Variants in ACOT11 observed in about 807,000 individuals in gnomAD.
ACOT11 encodes the protein acyl-coenzyme A thioesterase 11.
ACOT11 carries 69 observed loss-of-function variants against 77.5 expected under a neutral mutation model. The observed-to-expected ratio is 0.89, with a 90% CI of 0.73 to 1.09. The LOEUF (loss-of-function observed/expected upper bound fraction) is 1.09. ACOT11 is among the 50% of genes least tolerant of loss of function. ACOT11 has a pLI of 0.00. For missense variants in ACOT11, 766 were observed against 813.7 expected, an observed-to-expected ratio of 0.94 and a Z score of 0.71; for synonymous variants, 279 against 313.0, an observed-to-expected ratio of 0.89 and a Z score of 1.15.
exon 17 of ACOT11, chr1:54,635,795 GC>G (rs1198789452): frequency 6.5e-6 from 1 of 153,864 alleles, no homozygotes; most frequent in Non-Finnish European, 1.4e-5. Context: ...TTGGGAGCAA[GC>G]CCCCCAGAGT....
chr1:54,623,307 A>C (rs769081035), intron 15 of ACOT11: 4 of 1,613,920 alleles, frequency 2.5e-6, no homozygotes, highest in African/African-American at 2.7e-5. Flanking sequence ...GGCAAGGACT[A>C]TTGCGGCAAT....
In ACOT11 at chr1:54,609,998, A is replaced by ATAAG; in HGVS notation, c.*886_*887insTAAG. The ATAAG allele has an allele frequency of 6.5e-7, 1 of 1,543,062 alleles. No individual in the cohort carries two copies. Among genetic ancestry groups the ATAAG allele is most frequent in the Non-Finnish European group, 8.7e-7 (1 of 1,149,540 alleles). On this transcript the variant is annotated 3_prime_UTR_variant, in exon 16 of 16. Coordinates refer to ENST00000343744, the MANE Select transcript of ACOT11 (RefSeq NM_147161.4). ...GGATTTGGGTTATCATAAGGTGTTA[A>ATAAG]GAGTCCCTTGTTAAAGGGGCAGTGG...
At chr1:54,623,452 C>T (rs969007180) in intron 15 of ACOT11, 1 of 1,339,656 alleles carries the variant, frequency 7.5e-7, no homozygotes, top group African/African-American at 1.4e-5. Flanking sequence ...CCCTGAGGCT[C>T]CCTGCAGCTG....
intron 3 of ACOT11, among the ~76,000 whole-genome samples, chr1:54,587,296 C>T (rs1569718382): frequency 6.6e-6 from 1 of 151,966 alleles, no homozygotes; most frequent in African/African-American, 2.4e-5. Flanking sequence ...GGGTGGATCA[C>T]GAGGTCAGGA....
At position 54,610,167 on chromosome 1, in the gene ACOT11, T is replaced by G. The variant is rs1273091829; in HGVS notation, c.*1055T>G. The G allele has an allele frequency of 1.4e-6, 2 of 1,433,110 alleles. No individual in the cohort carries two copies. Among genetic ancestry groups the G allele is most frequent in the Non-Finnish European group, 1.8e-6 (2 of 1,099,386 alleles). 88.8% of individuals were successfully genotyped at this position (1,433,110 alleles called of 1,614,324 possible). On this transcript the variant is annotated 3_prime_UTR_variant, in exon 16 of 16. Coordinates refer to ENST00000343744, the MANE Select transcript of ACOT11 (RefSeq NM_147161.4). Reference sequence around the variant, plus strand: ...CTTGGCCTTTACCCATGACTCAGCCTGGGGGCTGGTGCCGGCCTTGCCTGC... The same window carrying G: ...CTTGGCCTTTACCCATGACTCAGCCGGGGGGCTGGTGCCGGCCTTGCCTGC...
chr1:54,560,398 A>G lies in ACOT11; in HGVS notation c.33+12056A>G, dbSNP rs76715548. Among the ~76,000 whole-genome samples, 77 of 152,282 alleles carry G rather than the reference A, an allele frequency of 5.1e-4. 2 individuals carry two copies. In the East Asian group the frequency reaches 0.015, roughly 29 times the overall value. Reference sequence around the variant, plus strand: ...AGGTCCACAGAGAAATGAGGGAGTTAAGGGCACCCTCCTTGACCCCCTTGT... The same window carrying G: ...AGGTCCACAGAGAAATGAGGGAGTTGAGGGCACCCTCCTTGACCCCCTTGT... On this transcript the variant is annotated intron_variant, in intron 1 of 15. Coordinates refer to ENST00000343744, the MANE Select transcript of ACOT11 (RefSeq NM_147161.4).
At chr1:54,562,322 C>G (rs1490293422) in intron 1 of ACOT11, among the ~76,000 whole-genome samples, 2 of 106,214 alleles carry the variant, frequency 1.9e-5, no homozygotes, top group Non-Finnish European at 3.9e-5. Flanking sequence ...GGGGGCTGAC[C>G]CCCCCATCTC....
chr1:54,597,392 G>A lies in ACOT11; in HGVS notation c.741G>A (p.Glu247=). The change falls in exon 7 of 16, where the codon GAG becomes GAA. Residue 247 remains glutamate, a synonymous_variant. Transcript: ENST00000343744. ...TFGGQIMAWM[E]NVATIAASRL... ...GGGGCCAGATCATGGCCTGGATGGA[G>A]AATGTGGCCACCATTGCAGCCAGGT... 6.2e-7 allele frequency: 1 copy of A among 1,613,312 alleles called. No individual in the cohort carries two copies. Among genetic ancestry groups the A allele is most frequent in the Non-Finnish European group, 8.5e-7 (1 of 1,179,742 alleles).
chr1:54,631,996 G>T (rs1291648691), intron 16 of ACOT11, among the ~76,000 whole-genome samples: 1 of 152,122 alleles, frequency 6.6e-6, no homozygotes, highest in African/African-American at 2.4e-5. Flanking sequence ...AGTGGATAAA[G>T]GAAATACTCC....
chr1:54,586,630 C>T (rs570633848), intron 3 of ACOT11, among the ~76,000 whole-genome samples: 1 of 152,142 alleles, frequency 6.6e-6, no homozygotes, highest in South Asian at 2.1e-4. Context: ...GACGGGGTTT[C>T]GCCATGTTGG....
At chr1:54,637,017 A>AGG (rs1429568960) in exon 17 of ACOT11, 4 of 154,194 alleles carry the variant, frequency 2.6e-5, no homozygotes, top group African/African-American at 9.6e-5. Context: ...AATTTTTCTT[A>AGG]ATACAGAACA....
intron 3 of ACOT11, among the ~76,000 whole-genome samples, chr1:54,589,317 CTT>C (rs397863314): frequency 1.8e-4 from 23 of 124,352 alleles, no homozygotes; most frequent in Admixed American, 2.6e-4. Context: ...ATGCCTGGCC[CTT>C]TTTTTTTTTT....
chr1:54,616,062 G>A (rs1453760040), intron 15 of ACOT11: 1 of 1,614,176 alleles, frequency 6.2e-7, no homozygotes, highest in South Asian at 1.1e-5. Context: ...CACTGCTCCA[G>A]TGTGTTGTCA....
chr1:54,554,183 CAAAAG>C (rs1653168039), intron 1 of ACOT11, among the ~76,000 whole-genome samples: 2 of 140,662 alleles, frequency 1.4e-5, no homozygotes, highest in South Asian at 2.2e-4. Flanking sequence ...AAAACAAAAA[CAAAAG>C]AAAACAAAAA....
At chr1:54,552,867 G>T in intron 1 of ACOT11, among the ~76,000 whole-genome samples, 1 of 134,202 alleles carries the variant, frequency 7.5e-6, no homozygotes, top group African/African-American at 2.8e-5. Flanking sequence ...CGCTCTTGTT[G>T]CCCAGGCTGG....
chr1:54,610,717 T>C (rs1216941194), downstream of ACOT11: 4 of 979,318 alleles, frequency 4.1e-6, no homozygotes, highest in Non-Finnish European at 4.8e-6. Context: ...CTAGAAGAAG[T>C]GACTTGCCCA....
Position 54,599,499 on chromosome 1 carries a change from T to C in ACOT11, c.884+84T>C, listed in dbSNP as rs548612336. 7.4e-6 allele frequency: 10 copies of C among 1,343,418 alleles called. No homozygotes were observed. In the East Asian group the frequency reaches 2.9e-4, roughly 39 times the overall value. 83.2% of individuals were successfully genotyped at this position (1,343,418 alleles called of 1,614,324 possible). Reference sequence around the variant, plus strand: ...CTAGAAAGGACCCTACTTCAAACTGTCCAGGAGCCCTTTGCCCTGCAGACA... The same window carrying C: ...CTAGAAAGGACCCTACTTCAAACTGCCCAGGAGCCCTTTGCCCTGCAGACA... On this transcript the variant is annotated intron_variant, in intron 8 of 15. Transcript: ENST00000343744.
At position 54,594,044 on chromosome 1, in the gene ACOT11, C is replaced by A. The variant is rs767254660; in HGVS notation, c.471+5C>A. 5 of 1,612,416 alleles carry A rather than the reference C, an allele frequency of 3.1e-6. No homozygotes were observed. Among genetic ancestry groups the A allele is most frequent in the Non-Finnish European group, 4.2e-6 (5 of 1,179,102 alleles). The stretch of plus-strand genomic sequence containing the variant: ...GCCCGCCGAGAGATCACCAAGGTAA[C>A]TGGGTGCGCCTGGCTGCTGGAACGC... On this transcript the variant is annotated splice_donor_5th_base_variant and intron_variant, in intron 5 of 15. Transcript: ENST00000343744.
At chr1:54,577,391 C>G (rs943051572) in intron 1 of ACOT11, among the ~76,000 whole-genome samples, 1 of 152,080 alleles carries the variant, frequency 6.6e-6, no homozygotes, top group African/African-American at 2.4e-5. Flanking sequence ...CAATATGTGA[C>G]TTTTTGTTTC....
Sources: gnomAD v4.1 joint callset for allele counts (sites outside exome capture counted in the v4.1 genomes callset) on GRCh38, gnomAD v4.1.1 for gene constraint, MANE v1.5 for transcripts, NCBI Gene and HGNC (gene_info 2026-07-23, HGNC 2026-07-21) for gene names.